Variants in GABBR2 observed in about 807,000 individuals in gnomAD.
GABBR2 encodes G-protein coupled receptor 51.
A neutral mutation model predicts 105.6 loss-of-function variants in GABBR2; 23 were observed. That is an observed-to-expected ratio of 0.22 (90% CI 0.16 to 0.31). The LOEUF is 0.31. GABBR2 is among the 10% of genes least tolerant of loss of function. The pLI is 1.00. For synonymous variants in GABBR2, 478 were observed against 499.7 expected (o/e 0.96, Z 0.58); for missense variants, 734 against 1,245.5 (o/e 0.59, Z 6.18).
In GABBR2 at chr9:98,541,563, TG is replaced by T. The variant is rs1828304979; in HGVS notation, c.630+309del. Among the ~76,000 whole-genome samples, 3 of 150,124 alleles carry T rather than the reference TG, an allele frequency of 2.0e-5. No homozygotes were observed. In the South Asian group the frequency reaches 6.5e-4, roughly 33 times the overall value. The stretch of plus-strand genomic sequence containing the variant: ...CCTGGTAGAACTTTGTGATCTTAGA[TG>T]GTCACGACAGCATCAGTAACAAAGA... On this transcript the variant is annotated intron_variant, in intron 3 of 18. Transcript: ENST00000259455.
chr9:98,326,167 A>G (rs1830919215), intron 13 of GABBR2, among the ~76,000 whole-genome samples: 1 of 152,244 alleles, frequency 6.6e-6, no homozygotes, highest in African/African-American at 2.4e-5. Flanking sequence ...GAATAAGAAC[A>G]GGAATGCAGA....
intron 17 of GABBR2, among the ~76,000 whole-genome samples, chr9:98,298,895 T>C (rs1052405385): frequency 1.3e-5 from 2 of 152,158 alleles, no homozygotes; most frequent in African/African-American, 4.8e-5. Context: ...GAAGAAAGGG[T>C]AAACTATTCG....
At chr9:98,510,863 G>GAGACAGAAAGTTAACA (rs1827624485) in intron 3 of GABBR2, among the ~76,000 whole-genome samples, 1 of 150,762 alleles carries the variant, frequency 6.6e-6, no homozygotes, top group Admixed American at 6.6e-5. Context: ...AAAGATCAAC[G>GAGACAGAAAGTTAACA]AGGATACCCA....
intron 17 of GABBR2, among the ~76,000 whole-genome samples, chr9:98,296,590 G>T (rs140793256): frequency 6.6e-6 from 1 of 152,328 alleles, no homozygotes; most frequent in Non-Finnish European, 1.5e-5. Context: ...GGCAAAAATG[G>T]TATCTCATTG....
intron 7 of GABBR2, among the ~76,000 whole-genome samples, chr9:98,420,238 C>G (rs117357337): frequency 0.014 from 2,141 of 152,272 alleles, 18 homozygotes; most frequent in Non-Finnish European, 0.021. Context: ...TACAAGTCCT[C>G]GGTGAGCTCC....
At chr9:98,425,235 T>C (rs1028927990) in intron 7 of GABBR2, among the ~76,000 whole-genome samples, 1 of 152,052 alleles carries the variant, frequency 6.6e-6, no homozygotes, top group Admixed American at 6.6e-5. Flanking sequence ...AATGAATGAA[T>C]GAATGAATGA....
intron 1 of GABBR2, among the ~76,000 whole-genome samples, chr9:98,669,072 A>G (rs572624616): frequency 6.6e-6 from 1 of 152,148 alleles, no homozygotes; most frequent in Admixed American, 6.5e-5. Context: ...CAGAAGTGGA[A>G]TTACTGGATT....
intron 1 of GABBR2, among the ~76,000 whole-genome samples, chr9:98,609,901 C>T (rs547224881): frequency 5.3e-5 from 8 of 152,324 alleles, no homozygotes; most frequent in South Asian, 4.1e-4. Context: ...GGCTTGCCAT[C>T]GAAGCACTGG....
At chr9:98,447,096 C>T (rs1826145344) in intron 7 of GABBR2, among the ~76,000 whole-genome samples, 1 of 128,242 alleles carries the variant, frequency 7.8e-6, no homozygotes. Flanking sequence ...GAGTCTCGCT[C>T]TGTCGCCCAG....
chr9:98,503,249 G>A (rs1206987881), intron 3 of GABBR2, among the ~76,000 whole-genome samples: 1 of 152,290 alleles, frequency 6.6e-6, no homozygotes, highest in East Asian at 1.9e-4. Flanking sequence ...GAAACTAAAA[G>A]AATGTCCTAG....
chr9:98,450,608 G>A (rs1327076811), intron 7 of GABBR2, among the ~76,000 whole-genome samples: 1 of 152,160 alleles, frequency 6.6e-6, no homozygotes, highest in Non-Finnish European at 1.5e-5. Flanking sequence ...CTTGCTGCGT[G>A]GCTCTGAAGG....
intron 7 of GABBR2, among the ~76,000 whole-genome samples, chr9:98,420,986 G>C (rs891624873): frequency 1.4e-4 from 21 of 152,124 alleles, no homozygotes; most frequent in African/African-American, 4.8e-4. Flanking sequence ...AGATATTAAG[G>C]CATATTAGAA....
intron 7 of GABBR2, among the ~76,000 whole-genome samples, chr9:98,426,794 G>A (rs4743223): frequency 0.03 from 4,632 of 152,324 alleles, 132 homozygotes; most frequent in East Asian, 0.15. Context: ...TTGAGGCCAG[G>A]AGTTCAAGAT....
At chr9:98,477,401 A>G (rs576062958) in intron 5 of GABBR2, among the ~76,000 whole-genome samples, 1 of 152,258 alleles carries the variant, frequency 6.6e-6, no homozygotes, top group East Asian at 1.9e-4. Flanking sequence ...TACCACGCCC[A>G]GCTAATTTTT....
intron 7 of GABBR2, among the ~76,000 whole-genome samples, chr9:98,424,350 C>T (rs372378958): frequency 6.6e-6 from 1 of 151,324 alleles, no homozygotes. Flanking sequence ...TAAGAGCTAT[C>T]TATGACAAAC....
intron 8 of GABBR2, among the ~76,000 whole-genome samples, chr9:98,399,297 G>T (rs1832347778): frequency 6.6e-6 from 1 of 151,074 alleles, no homozygotes; most frequent in African/African-American, 2.4e-5. Flanking sequence ...TGTTGCAGTG[G>T]GCTGAGATTG....
intron 6 of GABBR2, among the ~76,000 whole-genome samples, chr9:98,456,776 A>G (rs912077853): frequency 1.3e-5 from 2 of 152,256 alleles, no homozygotes; most frequent in Non-Finnish European, 2.9e-5. Context: ...CAGTTTGTTA[A>G]GAAAAACATA....
At chr9:98,645,958 C>G (rs1830024080) in intron 1 of GABBR2, among the ~76,000 whole-genome samples, 1 of 152,202 alleles carries the variant, frequency 6.6e-6, no homozygotes. Context: ...GTGTAAATAA[C>G]TTGCCCACAA....
At chr9:98,677,698 C>A (rs140206011) in intron 1 of GABBR2, among the ~76,000 whole-genome samples, 102 of 152,248 alleles carry the variant, frequency 6.7e-4, no homozygotes, top group African/African-American at 2.3e-3. Context: ...GACCCTGCCC[C>A]ACTCCATCAC....
Sources: gnomAD v4.1 joint callset for allele counts (sites outside exome capture counted in the v4.1 genomes callset) on GRCh38, gnomAD v4.1.1 for gene constraint, MANE v1.5 for transcripts, NCBI Gene and HGNC (gene_info 2026-07-23, HGNC 2026-07-21) for gene names.